The following NRDC variants were observed in gnomAD, a reference collection of about 807,000 sequenced individuals.
NRDC encodes the protein nardilysin.
Under a neutral mutation model 147.1 loss-of-function variants are expected in NRDC, and 54 were observed. The ratio of observed to expected loss-of-function variants is 0.37; its 90% confidence interval spans 0.29 to 0.46. NRDC has a LOEUF of 0.46. NRDC is among the 20% of genes least tolerant of loss of function. The pLI is 1.00. For synonymous variants in NRDC, 440 were observed against 482.1 expected (o/e 0.91, Z 1.14); for missense variants, 1,082 against 1,370.6 (o/e 0.79, Z 3.33).
At chr1:51,789,969 C>T (rs902240113) in intron 29 of NRDC, 7 of 372,806 alleles carry the variant, frequency 1.9e-5, no homozygotes, top group South Asian at 6.9e-5. Flanking sequence ...TAGCTGCATA[C>T]CACGGCTTGA....
At chr1:51,794,391 T>C in intron 24 of NRDC, 81 bp downstream of exon 24, 1 of 1,398,232 alleles carries the variant, frequency 7.2e-7, no homozygotes, top group Non-Finnish European at 1.0e-6. Context: ...CAGAAGTAAC[T>C]ATAAAAGGGC....
chr1:51,789,705 C>T (rs757599311), intron 29 of NRDC, 48 bp from the exon 30 acceptor site: 26 of 1,305,642 alleles, frequency 2.0e-5, no homozygotes, highest in Admixed American at 1.3e-4. Context: ...AGAAAGATAG[C>T]TCTTAAACCT....
Position 51,791,043 on chromosome 1 carries a change from C to A in NRDC, c.2961-53G>T, listed in dbSNP as rs1571832971. ...TAAAACAAAACATCTTCAATTAAGT[C>A]ATCAGAAACCCGATCTCAGGCAGAA... is the stretch of plus-strand genomic sequence containing the variant. On this transcript the variant is annotated intron_variant, in intron 27 of 30. Coordinates refer to ENST00000352171, the MANE Select transcript of NRDC (RefSeq NM_001101662.2). 1.3e-5 allele frequency: 16 copies of A among 1,263,318 alleles called. No individual in the cohort carries two copies. In the East Asian group the frequency reaches 3.5e-4, roughly 28 times the overall value. The allele number at this position is 1,263,318 out of a possible 1,614,324, so 78.3% of individuals were successfully genotyped here.
intron 13 of NRDC, 48 bp from the exon 14 acceptor site, chr1:51,814,137 T>TCAAGTAGGCAGA: frequency 8.1e-7 from 1 of 1,239,682 alleles, no homozygotes; most frequent in Non-Finnish European, 1.2e-6. Context: ...AATTTCTGCC[T>TCAAGTAGGCAGA]ACTTGAGGGA....
chr1:51,791,569 C>G lies in NRDC; in HGVS notation c.2960+9G>C, dbSNP rs774716719. ...TAGGTTACACTCATCTATTCACTCA[C>G]TCACTCACTTGTATTTGGTTGCCTG... On this transcript the variant is annotated intron_variant, in intron 27 of 30. Coordinates refer to ENST00000352171, the MANE Select transcript of NRDC (RefSeq NM_001101662.2). The G allele has an allele frequency of 1.5e-4, 236 of 1,601,300 alleles. No individual in the cohort carries two copies. The highest frequency in any genetic ancestry group is 1.9e-4 in the Non-Finnish European group (224 of 1,168,420).
chr1:51,823,205 A>T (rs1680284450), intron 7 of NRDC, among the ~76,000 whole-genome samples: 1 of 152,214 alleles, frequency 6.6e-6, no homozygotes, highest in Admixed American at 6.5e-5. Flanking sequence ...TATATTTAAG[A>T]TAATTCTTAA....
intron 19 of NRDC, 147 bp from the exon 20 acceptor site, chr1:51,804,111 G>A: frequency 1.5e-6 from 1 of 670,332 alleles, no homozygotes; most frequent in Non-Finnish European, 2.4e-6. Context: ...GCTTACTCAG[G>A]ATTCAGTTTC....
At chr1:51,839,615 T>C (rs981719621) in intron 2 of NRDC, among the ~76,000 whole-genome samples, 3 of 152,220 alleles carry the variant, frequency 2.0e-5, no homozygotes, top group Non-Finnish European at 4.4e-5. Flanking sequence ...ATCTATCCAC[T>C]GATGGTTGTT....
intron 23 of NRDC, 82 bp from the exon 24 acceptor site, chr1:51,794,692 C>T: frequency 6.3e-7 from 1 of 1,587,952 alleles, no homozygotes; most frequent in East Asian, 2.2e-5. Flanking sequence ...TTGCCTTGTA[C>T]ACCAGCCTCA....
chr1:51,795,008 T>G (rs532290014), intron 22 of NRDC, 154 bp from the exon 23 acceptor site: 2 of 1,500,944 alleles, frequency 1.3e-6, no homozygotes, highest in African/African-American at 1.4e-5. Flanking sequence ...AGTTATTCAT[T>G]GACTGATTCA....
intron 26 of NRDC, 59 bp from the exon 27 acceptor site, chr1:51,791,720 G>A (rs1049971737): frequency 8.8e-6 from 12 of 1,368,474 alleles, no homozygotes; most frequent in Non-Finnish European, 1.3e-5. Flanking sequence ...CCTGGCCTTG[G>A]AGGCACTAGA....
chr1:51,836,872 T>C (rs993167168), intron 2 of NRDC, among the ~76,000 whole-genome samples: 23 of 152,088 alleles, frequency 1.5e-4, no homozygotes, highest in African/African-American at 5.6e-4. Flanking sequence ...TCCCAATACT[T>C]TGGGAAAATC....
At chr1:51,792,161 C>A in intron 25 of NRDC, 63 bp from the exon 26 acceptor site, 3 of 1,586,378 alleles carry the variant, frequency 1.9e-6, no homozygotes, top group South Asian at 1.1e-5. Context: ...CCATTTCTCT[C>A]CCCAGAGTGT....
At position 51,812,059 on chromosome 1, in the gene NRDC, T is replaced by A; in HGVS notation, c.1714A>T (p.Met572Leu). ...VEYVENMCEN[M>L]QLYPLQDILT... ...ATGTCCTGCAATGGGTACAGCTGCA[T>A]GTTCTCACACATGTTTTCCACATAC... Residue 572 changes from methionine (M) to leucine (L), a missense_variant, in exon 15 of 31, where the codon ATG (methionine) becomes TTG (leucine). Coordinates refer to ENST00000352171, the MANE Select transcript of NRDC (RefSeq NM_001101662.2). 6.2e-7 allele frequency: 1 copy of A among 1,614,048 alleles called. No homozygotes were observed. The highest frequency in any genetic ancestry group is 8.5e-7 in the Non-Finnish European group (1 of 1,179,910).
chr1:51,869,199 C>G (rs1000890703), intron 1 of NRDC, among the ~76,000 whole-genome samples: 7 of 152,146 alleles, frequency 4.6e-5, no homozygotes, highest in African/African-American at 1.7e-4. Flanking sequence ...ATCCTCCTGC[C>G]TTGACTTAAG....
chr1:51,789,485 T>C (rs1383828302), intron 30 of NRDC, 52 bp from the exon 31 acceptor site: 9 of 1,603,670 alleles, frequency 5.6e-6, no homozygotes, highest in Middle Eastern at 3.3e-4. Flanking sequence ...GATTTAGGGG[T>C]TTAAGAGTTC....
In NRDC at chr1:51,840,533, A is replaced by C; in HGVS notation, c.342-19T>G. Reference sequence around the variant, plus strand: ...GATGTATCTGGGGGGAGAAAAAAAAAATCACACATTTTGATTCAGCTGTTC... The same window carrying C: ...GATGTATCTGGGGGGAGAAAAAAAACATCACACATTTTGATTCAGCTGTTC... On this transcript the variant is annotated intron_variant, in intron 1 of 30. Transcript: ENST00000352171. 1 of 1,537,008 alleles carries C rather than the reference A, an allele frequency of 6.5e-7. No homozygotes were observed.
At chr1:51,837,533 G>A (rs759985244) in intron 2 of NRDC, 1 of 1,590,564 alleles carries the variant, frequency 6.3e-7, no homozygotes. Flanking sequence ...GTCTCGACCA[G>A]CAGGGTTGAA....
intron 1 of NRDC, among the ~76,000 whole-genome samples, chr1:51,861,511 ATTT>A (rs375203399): frequency 0.092 from 13,719 of 149,386 alleles, 1,210 homozygotes; most frequent in African/African-American, 0.23. Flanking sequence ...TATTATTATT[ATTT>A]TTTTTTATTT....
Sources: allele counts gnomAD v4.1 joint callset (sites outside exome capture counted in the v4.1 genomes callset), GRCh38; gene constraint gnomAD v4.1.1; transcripts MANE v1.5; gene names NCBI Gene and HGNC (gene_info 2026-07-23, HGNC 2026-07-21).